Variants in SMC3 observed in about 807,000 individuals in gnomAD.
SMC3 encodes structural maintenance of chromosomes 3.
In SMC3, 20 loss-of-function variants were observed where a neutral mutation model predicts 171.8. That is an observed-to-expected ratio of 0.12 (90% confidence interval 0.08 to 0.17). The LOEUF (loss-of-function observed/expected upper bound fraction) is 0.17, where lower values mean the gene tolerates loss of function less well. Among genes scored for constraint, SMC3 ranks in the 10% least tolerant of loss-of-function variants. The pLI is 1.00. For missense variants in SMC3, 543 were observed against 1,420.4 expected, an observed-to-expected ratio of 0.38 and a Z score of 9.93; for synonymous variants, 464 against 451.1, an observed-to-expected ratio of 1.03 and a Z score of -0.36.
chr10:110,595,643 C>T (rs1344801140), intron 18 of SMC3, among the ~76,000 whole-genome samples: 3 of 152,138 alleles, frequency 2.0e-5, no homozygotes, highest in Non-Finnish European at 4.4e-5. Flanking sequence ...AATGGTGATT[C>T]ATAAATTCTG....
intron 11 of SMC3, 35 bp from the exon 12 acceptor site, chr10:110,583,785 TAGACCTAAATTATGCAAAAAA>T: frequency 2.5e-6 from 4 of 1,583,252 alleles, no homozygotes; most frequent in Non-Finnish European, 3.5e-6. Context: ...ACATTTATGC[TAGACCTAAATTATGCAAAAAA>T]TTTAAAGCAG....
At chr10:110,572,234 T>G (rs1465455580) in intron 2 of SMC3, among the ~76,000 whole-genome samples, 1 of 152,244 alleles carries the variant, frequency 6.6e-6, no homozygotes, top group East Asian at 1.9e-4. Context: ...GACTTTAATG[T>G]GTACTTTCTA....
chr10:110,591,845 A>G (rs1019940391), intron 17 of SMC3, among the ~76,000 whole-genome samples: 4 of 152,236 alleles, frequency 2.6e-5, no homozygotes, highest in African/African-American at 7.2e-5. Flanking sequence ...TTTTTCTGCT[A>G]TCACATCTAC....
chr10:110,585,534 C>T (rs1030726293), intron 13 of SMC3, among the ~76,000 whole-genome samples: 1 of 151,576 alleles, frequency 6.6e-6, no homozygotes, highest in Non-Finnish European at 1.5e-5. Context: ...CGAGATCCAC[C>T]CACCTCAGCC....
chr10:110,567,986 C>G (rs1237797930), intron 1 of SMC3, among the ~76,000 whole-genome samples, 155 bp downstream of exon 1: 1 of 152,198 alleles, frequency 6.6e-6, no homozygotes, highest in Non-Finnish European at 1.5e-5. Context: ...ACCCGGGTCC[C>G]GCTAGTGCCC....
chr10:110,576,472 T>A (rs1860952819), intron 4 of SMC3, among the ~76,000 whole-genome samples: 1 of 152,118 alleles, frequency 6.6e-6, no homozygotes, highest in Admixed American at 6.5e-5. Flanking sequence ...TGGAAAAAAA[T>A]ATGAGTAATG....
At chr10:110,578,600 G>C (rs766523518) in intron 6 of SMC3, 28 bp from the exon 7 acceptor site, 1 of 1,553,240 alleles carries the variant, frequency 6.4e-7, no homozygotes, top group South Asian at 1.1e-5. Flanking sequence ...ATTATTTATC[G>C]GAAAGTAATT....
At chr10:110,596,925 A>G (rs547966656) in intron 19 of SMC3, among the ~76,000 whole-genome samples, 1 of 152,006 alleles carries the variant, frequency 6.6e-6, no homozygotes, top group East Asian at 1.9e-4. Context: ...GTTTTAAGGA[A>G]GAGAGTGGGG....
intron 3 of SMC3, 73 bp downstream of exon 3, chr10:110,573,818 T>A (rs1860908579): frequency 9.6e-7 from 1 of 1,040,004 alleles, no homozygotes; most frequent in African/African-American, 1.6e-5. Context: ...AAATCATTAA[T>A]TTTCTGAGGT....
rs1193209124 is a variant in SMC3, at chr10:110,598,185, C to A, written c.2163C>A (p.Ile721=). Residue 721 remains isoleucine (I), a synonymous_variant, in exon 20 of 29, where the codon ATC becomes ATA. Transcript: ENST00000361804. ...AGTTGATGAACCAAATGCAACAGAT[C>A]GAGACCCAGCAAAGGAAATTTAAAG... is the stretch of plus-strand genomic sequence containing the variant. The part of the protein sequence containing the change: ...IDQLMNQMQQ[I]ETQQRKFKAS... The A allele has an allele frequency of 1.2e-6, 2 of 1,613,698 alleles. No individual in the cohort carries two copies. The highest frequency in any genetic ancestry group is 2.2e-5 in the East Asian group (1 of 44,838).
rs369849720 is a variant in SMC3 at position 110,590,969 on chromosome 10, G to T, written c.1671-22G>T. 14 of 1,610,224 alleles carry T rather than the reference G, an allele frequency of 8.7e-6. 1 individual carries two copies. In the Admixed American group the frequency reaches 1.0e-4, roughly 12 times the overall value. On this transcript the variant is annotated intron_variant, in intron 16 of 28. Coordinates refer to ENST00000361804, the MANE Select transcript of SMC3 (RefSeq NM_005445.4). Reference sequence around the variant, plus strand: ...AGACCCTGAGTACCAATAAAGATTTGTCTTACTCTGTTTATATTTAGGTTA... The same window carrying T: ...AGACCCTGAGTACCAATAAAGATTTTTCTTACTCTGTTTATATTTAGGTTA...
intron 18 of SMC3, among the ~76,000 whole-genome samples, chr10:110,594,472 TCA>T (rs997389983): frequency 2.0e-5 from 3 of 152,146 alleles, no homozygotes; most frequent in African/African-American, 7.2e-5. Flanking sequence ...CTTTTGGTAG[TCA>T]CAGATACTAA....
At chr10:110,581,643 T>A (rs1445211236) in intron 8 of SMC3, among the ~76,000 whole-genome samples, 1 of 152,250 alleles carries the variant, frequency 6.6e-6, no homozygotes. Context: ...AACCCATTTA[T>A]GCCTAGCATT....
intron 17 of SMC3, among the ~76,000 whole-genome samples, chr10:110,592,146 T>C (rs542287854): frequency 1.3e-5 from 2 of 152,032 alleles, no homozygotes; most frequent in East Asian, 1.9e-4. Flanking sequence ...GCACCTGTAA[T>C]CCCAGGTACT....
chr10:110,593,454 C>T (rs1238298118), intron 18 of SMC3, among the ~76,000 whole-genome samples: 3 of 152,066 alleles, frequency 2.0e-5, no homozygotes, highest in Non-Finnish European at 4.4e-5. Context: ...CACCTGTAGT[C>T]CCAGCTACTC....
intron 22 of SMC3, 43 bp downstream of exon 22, chr10:110,600,589 G>A (rs1452882727): frequency 3.1e-6 from 3 of 962,522 alleles, no homozygotes; most frequent in Non-Finnish European, 5.1e-6. Flanking sequence ...GCTCCTTGGT[G>A]GCCATGACCT....
chr10:110,600,591 C>T (rs200132434), intron 22 of SMC3, 45 bp downstream of exon 22: 3 of 951,634 alleles, frequency 3.2e-6, no homozygotes, highest in South Asian at 1.3e-5. Flanking sequence ...TCCTTGGTGG[C>T]CATGACCTAT....
At chr10:110,590,856 G>A in intron 16 of SMC3, 135 bp from the exon 17 acceptor site, 1 of 821,004 alleles carries the variant, frequency 1.2e-6, no homozygotes, top group Non-Finnish European at 2.0e-6. Flanking sequence ...ATGCTTAAGT[G>A]TTTATAACAT....
rs138079045 is a variant in SMC3 at position 110,601,401 on chromosome 10, A to G, written c.2645-236A>G. Among the ~76,000 whole-genome samples the G allele has an allele frequency of 4.9e-4, 74 of 152,328 alleles. 1 individual carries two copies. Among genetic ancestry groups the G allele is most frequent in the Admixed American group, 2.6e-3 (40 of 15,300 alleles). On this transcript the variant is annotated intron_variant, in intron 23 of 28. Transcript: ENST00000361804. ...GAAAGTTTCTCATCACTTAGTTGTT[A>G]GAAAATAACTATAGTTTATAAGCAT...
Sources: gnomAD v4.1 joint callset for allele counts (sites outside exome capture counted in the v4.1 genomes callset) on GRCh38, gnomAD v4.1.1 for gene constraint, MANE v1.5 for transcripts, NCBI Gene and HGNC (gene_info 2026-07-23, HGNC 2026-07-21) for gene names.